The following PDE4D variants were observed in gnomAD, a reference collection of about 807,000 sequenced individuals.
PDE4D encodes 3',5'-cyclic-AMP phosphodiesterase 4D.
PDE4D carries 24 observed loss-of-function variants against 87.4 expected under a neutral mutation model. The observed-to-expected ratio is 0.27, with a 90% CI of 0.20 to 0.39. PDE4D has a LOEUF of 0.39. PDE4D is among the 10% of genes least tolerant of loss of function. PDE4D has a pLI of 1.00. For missense variants in PDE4D, 714 were observed against 1,041.0 expected, an observed-to-expected ratio of 0.69 and a Z score of 4.32; for synonymous variants, 384 against 383.2, an observed-to-expected ratio of 1.00 and a Z score of -0.02.
At chr5:60,348,870 A>C (rs1340582888) in intron 1 of PDE4D, among the ~76,000 whole-genome samples, 1 of 152,144 alleles carries the variant, frequency 6.6e-6, no homozygotes, top group Non-Finnish European at 1.5e-5. Context: ...CAGAATCTGT[A>C]ATTTTATTTT....
chr5:60,367,416 A>G (rs1222678531), intron 1 of PDE4D, among the ~76,000 whole-genome samples: 2 of 149,254 alleles, frequency 1.3e-5, no homozygotes, highest in Non-Finnish European at 2.9e-5. Flanking sequence ...ACGCCATTGC[A>G]CTCCAGCGTG....
At chr5:59,733,713 A>G (rs1436607364) in intron 1 of PDE4D, among the ~76,000 whole-genome samples, 1 of 151,672 alleles carries the variant, frequency 6.6e-6, no homozygotes, top group Non-Finnish European at 1.5e-5. Context: ...TGTGAATGGT[A>G]ATAGCATCCA....
intron 2 of PDE4D, among the ~76,000 whole-genome samples, chr5:60,059,969 T>C (rs1771212601): frequency 6.6e-6 from 1 of 151,972 alleles, no homozygotes; most frequent in South Asian, 2.1e-4. Context: ...TTTTCATTCC[T>C]TAAACTTGAA....
rs1445947 is a variant in PDE4D, at chr5:59,210,361, G to A, written c.647+5416C>T. Among the ~76,000 whole-genome samples, 4,053 of 152,272 alleles carry A rather than the reference G, an allele frequency of 0.027. 500 individuals carry two copies. In the East Asian group the frequency reaches 0.38, roughly 14 times the overall value. ...TCCTTTTTCAAACTCAGGACTGGAA[G>A]CAATACTACTCTTATACTTAGCAGG... On this transcript the variant is annotated intron_variant, in intron 2 of 14. Coordinates refer to ENST00000340635, the MANE Select transcript of PDE4D (RefSeq NM_001104631.2).
intron 1 of PDE4D, among the ~76,000 whole-genome samples, chr5:59,817,920 G>C (rs538084385): frequency 6.6e-6 from 1 of 152,254 alleles, no homozygotes; most frequent in East Asian, 1.9e-4. Context: ...ACCCCATCTG[G>C]TGTTTTGCTT....
chr5:59,704,802 G>C (rs1753146067), intron 1 of PDE4D, among the ~76,000 whole-genome samples: 1 of 152,130 alleles, frequency 6.6e-6, no homozygotes, highest in Non-Finnish European at 1.5e-5. Context: ...TTGACTAAGA[G>C]ACAATGTAGA....
chr5:59,992,327 T>A (rs570651755), intron 2 of PDE4D, among the ~76,000 whole-genome samples: 2 of 152,332 alleles, frequency 1.3e-5, no homozygotes, highest in South Asian at 4.1e-4. Context: ...GTTTTGGGAC[T>A]CGAATTGGCT....
chr5:59,699,941 A>G (rs1361201140), intron 1 of PDE4D, among the ~76,000 whole-genome samples: 1 of 152,218 alleles, frequency 6.6e-6, no homozygotes, highest in Non-Finnish European at 1.5e-5. Flanking sequence ...TCATTTGCAC[A>G]GGAATGATAG....
chr5:59,353,274 G>A (rs1780817104), intron 1 of PDE4D, among the ~76,000 whole-genome samples: 1 of 151,806 alleles, frequency 6.6e-6, no homozygotes, highest in African/African-American at 2.4e-5. Flanking sequence ...ATTCCCTAGT[G>A]TTCTCTTATT....
chr5:60,103,842 A>T (rs1349265598), intron 2 of PDE4D, among the ~76,000 whole-genome samples: 2 of 152,304 alleles, frequency 1.3e-5, no homozygotes, highest in Non-Finnish European at 2.9e-5. Flanking sequence ...AATATGAATT[A>T]AAAAAATTAA....
chr5:58,977,382 T>A, intron 11 of PDE4D, 37 bp from the exon 12 acceptor site: 1 of 1,580,240 alleles, frequency 6.3e-7, no homozygotes, highest in Non-Finnish European at 8.6e-7. Flanking sequence ...TCAGCAAAAC[T>A]GTTTGTGAGA....
rs1157534165 is a variant in PDE4D at position 59,804,417 on chromosome 5, G to A, written c.455+88751C>T. On this transcript the variant is annotated intron_variant, in intron 1 of 14. Coordinates refer to ENST00000340635, the MANE Select transcript of PDE4D (RefSeq NM_001104631.2). ...TATACCACATTTTCTTTATCCACTC[G>A]TTGGTCGATGGGCAACAAGTTTGGT... Among the ~76,000 whole-genome samples, 5 of 152,294 alleles carry A rather than the reference G, an allele frequency of 3.3e-5. No individual in the cohort carries two copies. The Middle Eastern group carries it at 0.01, about 311-fold the overall frequency.
chr5:59,802,770 G>T (rs1375047226), intron 1 of PDE4D, among the ~76,000 whole-genome samples: 1 of 152,070 alleles, frequency 6.6e-6, no homozygotes, highest in Non-Finnish European at 1.5e-5. Flanking sequence ...ACACATGCAG[G>T]TGAGAAGCAG....
At chr5:59,866,889 G>A (rs114480619) in intron 1 of PDE4D, among the ~76,000 whole-genome samples, 6,769 of 152,222 alleles carry the variant, frequency 0.044, 235 homozygotes, top group South Asian at 0.073. Context: ...AGGATGATTT[G>A]TTAGACTAAG....
At chr5:60,339,545 G>A (rs1758126581) in intron 1 of PDE4D, among the ~76,000 whole-genome samples, 1 of 152,152 alleles carries the variant, frequency 6.6e-6, no homozygotes, top group Admixed American at 6.5e-5. Flanking sequence ...TTGACTGCAG[G>A]TAACCGAAAC....
intron 1 of PDE4D, among the ~76,000 whole-genome samples, chr5:59,877,499 A>G (rs113217907): frequency 9.7e-6 from 1 of 102,750 alleles, no homozygotes; most frequent in African/African-American, 3.0e-5. Context: ...AAAAAAAAAA[A>G]AGAAGAAGAA....
intron 1 of PDE4D, among the ~76,000 whole-genome samples, chr5:59,581,498 T>A (rs1824145708): frequency 6.6e-6 from 1 of 152,204 alleles, no homozygotes; most frequent in Admixed American, 6.5e-5. Context: ...GAATAATTTC[T>A]TATTTTTTTC....
chr5:60,168,510 G>T (rs1434880786), intron 2 of PDE4D, among the ~76,000 whole-genome samples: 2 of 152,114 alleles, frequency 1.3e-5, no homozygotes, highest in African/African-American at 4.8e-5. Flanking sequence ...TTCTGAGTAG[G>T]TAGGCCGCAT....
In PDE4D at chr5:59,066,987, G is replaced by GATTTATTTATTTATTT. The variant is rs75735314; in HGVS notation, c.809-28032_809-28017dup. 1.3e-3 allele frequency among the ~76,000 whole-genome samples: 186 copies of GATTTATTTATTTATTT among 141,290 alleles called. 3 individuals carry two copies. Among genetic ancestry groups the GATTTATTTATTTATTT allele is most frequent in the Middle Eastern group, 0.011 (3 of 284 alleles). 92.7% of individuals were successfully genotyped at this position (141,290 alleles called of 152,430 possible). On this transcript the variant is annotated intron_variant, in intron 5 of 14. Transcript: ENST00000340635. ...GTTGTTTATAAGCCACCCAGCTCGT[G>GATTTATTTATTTATTT]ATTTATTTATTTATTTATTTATTTA...
Sources: gnomAD v4.1 joint callset for allele counts (sites outside exome capture counted in the v4.1 genomes callset) on GRCh38, gnomAD v4.1.1 for gene constraint, MANE v1.5 for transcripts, NCBI Gene and HGNC (gene_info 2026-07-23, HGNC 2026-07-21) for gene names.